The following GLRX5 variants were observed in gnomAD, a reference collection of about 807,000 sequenced individuals.
GLRX5 encodes the protein glutaredoxin-related protein 5, mitochondrial.
In GLRX5, 10 loss-of-function variants were observed where a neutral mutation model predicts 13.8. That is an observed-to-expected ratio of 0.72 (90% confidence interval 0.45 to 1.23). The LOEUF (loss-of-function observed/expected upper bound fraction) is 1.23, where lower values mean the gene tolerates loss of function less well. GLRX5 is among the 50% of genes most tolerant of loss of function. GLRX5 has a pLI of 0.00. For synonymous variants in GLRX5, 98 were observed against 101.1 expected (o/e 0.97, Z 0.18); for missense variants, 233 against 215.2 (o/e 1.08, Z -0.52).
chr14:95,540,606 T>C (rs1471209154), intron 1 of GLRX5, among the ~76,000 whole-genome samples: 2 of 152,192 alleles, frequency 1.3e-5, no homozygotes, highest in African/African-American at 4.8e-5. Context: ...GATCATCTTA[T>C]CTCGACTTAA....
At chr14:95,538,105 T>G (rs1393109870) in intron 1 of GLRX5, among the ~76,000 whole-genome samples, 1 of 152,246 alleles carries the variant, frequency 6.6e-6, no homozygotes, top group Non-Finnish European at 1.5e-5. Flanking sequence ...CAGTTTTTTT[T>G]TTTTTAACAC....
At chr14:95,543,875 A>C in intron 1 of GLRX5, 72 bp from the exon 2 acceptor site, 8 of 1,390,628 alleles carry the variant, frequency 5.8e-6, no homozygotes, top group Non-Finnish European at 8.2e-6. Flanking sequence ...TAGTGGGTCA[A>C]AATTACATAT....
intron 1 of GLRX5, among the ~76,000 whole-genome samples, chr14:95,536,464 A>G (rs924812564): frequency 2.0e-5 from 3 of 152,196 alleles, no homozygotes; most frequent in Non-Finnish European, 2.9e-5. Flanking sequence ...AATAGGTGCC[A>G]GGTTCTCTGT....
In GLRX5 at chr14:95,544,129, C is replaced by T. The variant is rs541858398; in HGVS notation, c.*4C>T. The T allele has an allele frequency of 1.7e-5, 27 of 1,612,244 alleles. No homozygotes were observed. The highest frequency in any genetic ancestry group is 1.6e-4 in the African/African-American group (12 of 74,992). On this transcript the variant is annotated 3_prime_UTR_variant, in exon 2 of 2. Transcript: ENST00000331334. ...GAAAGACCAAGACTCCAAGTGAGGG[C>T]GGCCAAGTCCTCGCTGAGCAGAGAG...
At chr14:95,537,349 A>G (rs1376778321) in intron 1 of GLRX5, among the ~76,000 whole-genome samples, 1 of 152,286 alleles carries the variant, frequency 6.6e-6, no homozygotes, top group Non-Finnish European at 1.5e-5. Flanking sequence ...CAGCAGCGAC[A>G]GGAATTTAAC....
Position 95,535,185 on chromosome 14 carries a change from G to A in GLRX5, c.96G>A (p.Ala32=), listed in dbSNP as rs766056735. ...GGLWGPGVRA[A]GSGAGGGGSA... ...TTTGGGGTCCGGGCGTGCGGGCGGCGGGCTCGGGCGCGGGCGGCGGCGGCT... is the reference window on the plus strand; with the variant it reads ...TTTGGGGTCCGGGCGTGCGGGCGGCAGGCTCGGGCGCGGGCGGCGGCGGCT... The change falls in exon 1 of 2, where the codon GCG becomes GCA. Residue 32 remains alanine, a synonymous_variant. Transcript: ENST00000331334. 2.7e-6 allele frequency: 4 copies of A among 1,488,098 alleles called. No individual in the cohort carries two copies. Among genetic ancestry groups the A allele is most frequent in the South Asian group, 1.3e-5 (1 of 78,174 alleles). The allele number at this position is 1,488,098 out of a possible 1,614,324, so 92.2% of individuals were successfully genotyped here.
At position 95,535,297 on chromosome 14, in the gene GLRX5, A is replaced by C. The variant is rs888641515; in HGVS notation, c.208A>C (p.Ser70Arg). The change falls in exon 1 of 2, where the codon AGC (serine) becomes CGC (arginine). Residue 70 changes from serine to arginine, a missense_variant. By Grantham distance (110) the Ser-to-Arg change is moderately radical. Transcript: ENST00000331334. ...GCCGGAGCAGCCCCAGTGCGGCTTCAGCAACGCCGTGGTGCAGATCCTGCG... is the reference window on the plus strand; with the variant it reads ...GCCGGAGCAGCCCCAGTGCGGCTTCCGCAACGCCGTGGTGCAGATCCTGCG... ...GTPEQPQCGFSNAVVQILRLH... is the reference protein window; with the variant it reads ...GTPEQPQCGFRNAVVQILRLH... The C allele has an allele frequency of 7.7e-6, 12 of 1,563,212 alleles. No individual in the cohort carries two copies. Among genetic ancestry groups the C allele is most frequent in the Non-Finnish European group, 1.0e-5 (12 of 1,154,470 alleles).
chr14:95,544,248 G>T lies in GLRX5; in HGVS notation c.*123G>T. The T allele has an allele frequency of 1.3e-6, 1 of 773,300 alleles. No homozygotes were observed. Among genetic ancestry groups the T allele is most frequent in the Non-Finnish European group, 2.2e-6 (1 of 448,338 alleles). 47.9% of individuals were successfully genotyped at this position (773,300 alleles called of 1,614,324 possible). ...GCAACTGCTTGCACTGATCATTTTG[G>T]TTCGTGAGCAGTTGGTGATTTTAGT... On this transcript the variant is annotated 3_prime_UTR_variant, in exon 2 of 2. Transcript: ENST00000331334.
intron 1 of GLRX5, among the ~76,000 whole-genome samples, chr14:95,540,372 A>T (rs1289403203): frequency 1.3e-5 from 2 of 152,206 alleles, no homozygotes; most frequent in Non-Finnish European, 2.9e-5. Flanking sequence ...AATTCATTTC[A>T]TTCCTTAGAT....
At chr14:95,543,893 T>A (rs564135768) in intron 1 of GLRX5, 54 bp from the exon 2 acceptor site, 1 of 1,487,708 alleles carries the variant, frequency 6.7e-7, no homozygotes, top group Admixed American at 1.7e-5. Context: ...TATTTAGTCA[T>A]GAATGGTTCA....
At position 95,543,201 on chromosome 14, in the gene GLRX5, C is replaced by G. The variant is rs141868163; in HGVS notation, c.296-746C>G. 414 of 456,024 alleles carry G rather than the reference C, an allele frequency of 9.1e-4. 2 individuals are homozygous for G. The highest frequency in any genetic ancestry group is 7.9e-3 in the African/African-American group (397 of 50,168). 28.2% of individuals were successfully genotyped at this position (456,024 alleles called of 1,614,324 possible). A position where few individuals can be genotyped will look rare whatever the true frequency, so the allele number is the denominator to read the frequency against. ...CTGAGCTCTGGGCCTTCATTAGACTCACCAGTCACTTCGGGTTCTGCACAG... is the reference window on the plus strand; with the variant it reads ...CTGAGCTCTGGGCCTTCATTAGACTGACCAGTCACTTCGGGTTCTGCACAG... On this transcript the variant is annotated intron_variant, in intron 1 of 1. Coordinates refer to ENST00000331334, the MANE Select transcript of GLRX5 (RefSeq NM_016417.3).
intron 1 of GLRX5, among the ~76,000 whole-genome samples, chr14:95,540,099 C>T (rs918883568): frequency 6.6e-6 from 1 of 152,104 alleles, no homozygotes; most frequent in Admixed American, 6.5e-5. Flanking sequence ...CCATGTTGGC[C>T]AGGCTGGTCT....
intron 1 of GLRX5, among the ~76,000 whole-genome samples, chr14:95,540,535 TC>T (rs1231497890): frequency 6.6e-6 from 1 of 152,240 alleles, no homozygotes; most frequent in African/African-American, 2.4e-5. Flanking sequence ...CCTTGCCCAC[TC>T]TGCCCCGTGC....
At chr14:95,543,211 T>G (rs1184676348) in intron 1 of GLRX5, 1 of 455,956 alleles carries the variant, frequency 2.2e-6, no homozygotes, top group Non-Finnish European at 4.4e-6. Flanking sequence ...CACCAGTCAC[T>G]TCGGGTTCTG....
chr14:95,541,759 A>G (rs750824212), intron 1 of GLRX5, among the ~76,000 whole-genome samples: 2 of 152,252 alleles, frequency 1.3e-5, no homozygotes, highest in Non-Finnish European at 2.9e-5. Flanking sequence ...TATAAAAGTG[A>G]TTGATGAAAA....
In GLRX5 at chr14:95,535,095, C is replaced by A. The variant is rs1188319843; in HGVS notation, c.6C>A (p.Ser2Arg). The change falls in exon 1 of 2, where the codon AGC becomes AGA. Residue 2 changes from serine (S) to arginine (R), a missense_variant. Coordinates refer to ENST00000331334, the MANE Select transcript of GLRX5 (RefSeq NM_016417.3). Reference protein sequence around the residue: MSGSLGRAAAAL... With the variant: MRGSLGRAAAAL... ...GCTCCGGCTTGCGTGCGGAGATGAG[C>A]GGGTCCCTCGGCCGAGCTGCGGCGG... 6 of 1,324,352 alleles carry A rather than the reference C, an allele frequency of 4.5e-6. No homozygotes were observed. The highest frequency in any genetic ancestry group is 5.9e-6 in the Non-Finnish European group (6 of 1,024,410). The allele number at this position is 1,324,352 out of a possible 1,614,324, so 82.0% of individuals were successfully genotyped here. A position where few individuals can be genotyped will look rare whatever the true frequency, so the allele number is the denominator to read the frequency against.
chr14:95,543,239 C>T, intron 1 of GLRX5: 2 of 455,610 alleles, frequency 4.4e-6, no homozygotes, highest in South Asian at 3.1e-5. Flanking sequence ...CCTCATCATC[C>T]ACTCCACAGA....
intron 1 of GLRX5, among the ~76,000 whole-genome samples, chr14:95,539,486 G>A (rs1004042773): frequency 6.6e-6 from 1 of 152,202 alleles, no homozygotes; most frequent in Non-Finnish European, 1.5e-5. Context: ...TTGCAAACAC[G>A]TAATTATGGC....
intron 1 of GLRX5, among the ~76,000 whole-genome samples, chr14:95,538,989 C>T (rs544959242): frequency 2.0e-5 from 3 of 152,346 alleles, no homozygotes; most frequent in Non-Finnish European, 1.5e-5. Flanking sequence ...CGAGGACTTA[C>T]AGCAGGAGGT....
Sources: allele counts gnomAD v4.1 joint callset (sites outside exome capture counted in the v4.1 genomes callset), GRCh38; gene constraint gnomAD v4.1.1; transcripts MANE v1.5; gene names NCBI Gene and HGNC (gene_info 2026-07-23, HGNC 2026-07-21).